Variants in ANKMY2 observed in about 807,000 individuals in gnomAD.
The protein encoded by ANKMY2 is ankyrin repeat and MYND domain containing 2, also known as ankyrin repeat and MYND domain-containing protein 2.
In ANKMY2, 36 loss-of-function variants were observed where a neutral mutation model predicts 50.4. The observed-to-expected ratio is 0.71, with a 90% CI of 0.55 to 0.94. The LOEUF (loss-of-function observed/expected upper bound fraction) is 0.94. Among genes scored for constraint, ANKMY2 ranks in the 40% least tolerant of loss-of-function variants. The pLI is 0.00. For synonymous variants in ANKMY2, 187 were observed against 178.8 expected (o/e 1.05, Z -0.36); for missense variants, 565 against 524.0 (o/e 1.08, Z -0.76).
chr7:16,645,600 C>T lies in ANKMY2; in HGVS notation c.-27G>A, dbSNP rs189201989. The T allele has an allele frequency of 6.2e-4, 1,004 of 1,606,668 alleles. 1 individual carries two copies. The highest frequency in any genetic ancestry group is 1.9e-3 in the Admixed American group (109 of 58,546). On this transcript the variant is annotated 5_prime_UTR_variant, in exon 1 of 10. Transcript: ENST00000306999. ...GCTCCCGCCAGCTTGAAGGTTATTCCCTTTCTTAGGGAGTATTAAAAAAGA... is the reference window on the plus strand; with the variant it reads ...GCTCCCGCCAGCTTGAAGGTTATTCTCTTTCTTAGGGAGTATTAAAAAAGA...
intron 4 of ANKMY2, among the ~76,000 whole-genome samples, chr7:16,621,519 G>C (rs548044883): frequency 6.6e-6 from 1 of 152,132 alleles, no homozygotes; most frequent in East Asian, 1.9e-4. Context: ...TATCTGGGGG[G>C]AAATGAACTC....
intron 4 of ANKMY2, 150 bp downstream of exon 4, chr7:16,624,833 A>G: frequency 1.6e-6 from 1 of 617,142 alleles, no homozygotes; most frequent in Non-Finnish European, 2.8e-6. Context: ...CAGAGTCACT[A>G]GGTGTTTCAT....
In ANKMY2 at chr7:16,600,620, G is replaced by T; in HGVS notation, c.*141C>A. 1 of 595,172 alleles carries T rather than the reference G, an allele frequency of 1.7e-6. No individual in the cohort carries two copies. The highest frequency in any genetic ancestry group is 2.5e-6 in the Non-Finnish European group (1 of 392,160). 36.9% of individuals were successfully genotyped at this position (595,172 alleles called of 1,614,324 possible). A position where few individuals can be genotyped will look rare whatever the true frequency, so the allele number is the denominator to read the frequency against. Reference sequence around the variant, plus strand: ...ATTAGGGCATGGTCAACAGGGGTTTGCTTGAAAACCTGTATTCTATGAAAT... The same window carrying T: ...ATTAGGGCATGGTCAACAGGGGTTTTCTTGAAAACCTGTATTCTATGAAAT... On this transcript the variant is annotated 3_prime_UTR_variant, in exon 10 of 10. Transcript: ENST00000306999.
intron 5 of ANKMY2, among the ~76,000 whole-genome samples, chr7:16,613,045 C>G (rs1009910515): frequency 6.6e-6 from 1 of 152,068 alleles, no homozygotes. Flanking sequence ...TCACAATAAT[C>G]AAAGACATGA....
At chr7:16,641,173 G>A (rs1284951244) in intron 1 of ANKMY2, among the ~76,000 whole-genome samples, 1 of 152,142 alleles carries the variant, frequency 6.6e-6, no homozygotes, top group Non-Finnish European at 1.5e-5. Context: ...GGCAGAGGTT[G>A]CAGTGAGCCG....
At chr7:16,633,611 G>A (rs557608199) in intron 2 of ANKMY2, among the ~76,000 whole-genome samples, 21 of 151,972 alleles carry the variant, frequency 1.4e-4, no homozygotes, top group Non-Finnish European at 2.6e-4. Context: ...GTTTCTTTTC[G>A]AATGTATTAT....
rs754765216 is a variant in ANKMY2 at position 16,609,603 on chromosome 7, AGTC to A, written c.882+24_882+26del. 1.1e-5 allele frequency: 17 copies of A among 1,574,300 alleles called. No individual in the cohort carries two copies. In the East Asian group the frequency reaches 3.7e-4, roughly 34 times the overall value. On this transcript the variant is annotated intron_variant, in intron 7 of 9. Coordinates refer to ENST00000306999, the MANE Select transcript of ANKMY2 (RefSeq NM_020319.3). Reference sequence around the variant, plus strand: ...GGTGGGAATTAGGTTTTACTGATAGAGTCAACTTAGGTAAGAGGAGCCTTACAA... The same window carrying A: ...GGTGGGAATTAGGTTTTACTGATAGAAACTTAGGTAAGAGGAGCCTTACAA...
At chr7:16,604,592 A>C (rs1010404429) in intron 8 of ANKMY2, 129 bp downstream of exon 8, 1 of 1,241,450 alleles carries the variant, frequency 8.1e-7, no homozygotes, top group Admixed American at 2.5e-5. Flanking sequence ...TAAGTATTAA[A>C]TAGAATATTT....
chr7:16,632,764 G>GTA (rs1393751456), intron 2 of ANKMY2, among the ~76,000 whole-genome samples: 1 of 152,088 alleles, frequency 6.6e-6, no homozygotes, highest in Non-Finnish European at 1.5e-5. Context: ...TTTCTCTTAA[G>GTA]TATATATATA....
chr7:16,629,960 C>A (rs1781558609), intron 2 of ANKMY2, among the ~76,000 whole-genome samples: 1 of 151,972 alleles, frequency 6.6e-6, no homozygotes, highest in Non-Finnish European at 1.5e-5. Context: ...TCTATTTATT[C>A]TAGTGTTTTT....
At chr7:16,603,323 G>A (rs368347960) in intron 8 of ANKMY2, among the ~76,000 whole-genome samples, 17 of 152,188 alleles carry the variant, frequency 1.1e-4, no homozygotes, top group African/African-American at 4.1e-4. Context: ...ATGTAAGAGT[G>A]ATGGAGGCAT....
At chr7:16,635,376 CA>C (rs1475557666) in intron 2 of ANKMY2, among the ~76,000 whole-genome samples, 12 of 151,980 alleles carry the variant, frequency 7.9e-5, no homozygotes, top group Non-Finnish European at 1.6e-4. Flanking sequence ...GGAGAGATTA[CA>C]AAGGGGTATG....
At chr7:16,603,061 C>T (rs915552501) in intron 8 of ANKMY2, among the ~76,000 whole-genome samples, 1 of 152,202 alleles carries the variant, frequency 6.6e-6, no homozygotes, top group Non-Finnish European at 1.5e-5. Flanking sequence ...CGGCCTAACA[C>T]AGTATCTTTG....
chr7:16,630,264 T>A (rs1426182410), intron 2 of ANKMY2, among the ~76,000 whole-genome samples: 1 of 152,188 alleles, frequency 6.6e-6, no homozygotes, highest in Non-Finnish European at 1.5e-5. Context: ...ATTTTCACTT[T>A]ACTAAAGTCT....
intron 8 of ANKMY2, among the ~76,000 whole-genome samples, chr7:16,602,987 C>T (rs1781096579): frequency 6.6e-6 from 1 of 152,152 alleles, no homozygotes; most frequent in Admixed American, 6.6e-5. Flanking sequence ...AACCGTGAGC[C>T]CATTAAACCT....
intron 8 of ANKMY2, among the ~76,000 whole-genome samples, chr7:16,603,853 T>G (rs1781112581): frequency 3.3e-5 from 5 of 152,244 alleles, no homozygotes. Context: ...GAGAGTCACA[T>G]GGAGCACAAC....
At chr7:16,644,153 C>T (rs1359322950) in intron 1 of ANKMY2, among the ~76,000 whole-genome samples, 2 of 152,192 alleles carry the variant, frequency 1.3e-5, no homozygotes, top group African/African-American at 4.8e-5. Flanking sequence ...ACAGCTAGAA[C>T]TTGCATGTTT....
intron 8 of ANKMY2, among the ~76,000 whole-genome samples, chr7:16,603,132 C>T (rs1781098718): frequency 6.6e-6 from 1 of 152,168 alleles, no homozygotes; most frequent in South Asian, 2.1e-4. Flanking sequence ...ATATAACAAA[C>T]AGTCTACCAA....
intron 4 of ANKMY2, among the ~76,000 whole-genome samples, chr7:16,621,840 A>C (rs1356596681): frequency 6.6e-6 from 1 of 151,958 alleles, no homozygotes; most frequent in Non-Finnish European, 1.5e-5. Context: ...GTGGTGGCAC[A>C]TACCTGTAGT....
Sources: gnomAD v4.1 joint callset for allele counts (sites outside exome capture counted in the v4.1 genomes callset) on GRCh38, gnomAD v4.1.1 for gene constraint, MANE v1.5 for transcripts, NCBI Gene and HGNC (gene_info 2026-07-23, HGNC 2026-07-21) for gene names.